ZCCHC17: variants seen among roughly 807,000 people sequenced by gnomAD.
ZCCHC17 encodes the protein zinc finger CCHC-type containing 17.
Under a neutral mutation model 30.6 loss-of-function variants are expected in ZCCHC17, and 18 were observed. The observed-to-expected ratio is 0.59, with a 90% CI of 0.41 to 0.87. The LOEUF (loss-of-function observed/expected upper bound fraction) is 0.87, where lower values mean the gene tolerates loss of function less well. ZCCHC17 is among the 40% of genes least tolerant of loss of function. The pLI, the probability that ZCCHC17 is intolerant of heterozygous loss-of-function variation, is 0.00. For synonymous variants in ZCCHC17, 88 were observed against 92.4 expected (o/e 0.95, Z 0.27); for missense variants, 263 against 284.2 (o/e 0.93, Z 0.54).
chr1:31,344,027 G>A (rs1557451023), intron 5 of ZCCHC17, among the ~76,000 whole-genome samples: 2 of 151,542 alleles, frequency 1.3e-5, no homozygotes, highest in Non-Finnish European at 2.9e-5. Flanking sequence ...GCTAATTTTT[G>A]TTTTTTTAGT....
At chr1:31,305,206 T>C (rs1208402076) in intron 1 of ZCCHC17, among the ~76,000 whole-genome samples, 1 of 152,198 alleles carries the variant, frequency 6.6e-6, no homozygotes, top group Non-Finnish European at 1.5e-5. Flanking sequence ...TCACCTCTGG[T>C]TGGTTGACTT....
chr1:31,353,269 TATCA>T lies in ZCCHC17; in HGVS notation c.564+4299_564+4302del, dbSNP rs1424285801. Among the ~76,000 whole-genome samples the T allele has an allele frequency of 3.3e-5, 5 of 152,378 alleles. No individual in the cohort carries two copies. The South Asian group carries it at 8.3e-4, about 25-fold the overall frequency. ...GTAGGAATTTTTTATATGTTCTGGA[TATCA>T]ATCCCATCAGATATATGGTTTGCAA... On this transcript the variant is annotated intron_variant, in intron 7 of 7. Transcript: ENST00000344147.
At chr1:31,309,326 GT>G (rs1646541579) in intron 1 of ZCCHC17, among the ~76,000 whole-genome samples, 1 of 151,970 alleles carries the variant, frequency 6.6e-6, no homozygotes, top group African/African-American at 2.4e-5. Flanking sequence ...GAATTGTTTT[GT>G]TTTGTTTTTG....
intron 3 of ZCCHC17, among the ~76,000 whole-genome samples, chr1:31,323,573 G>A (rs907873600): frequency 1.3e-5 from 2 of 151,862 alleles, no homozygotes; most frequent in East Asian, 1.9e-4. Context: ...TGCCTGCCTC[G>A]GCCTCCCAAA....
At chr1:31,323,925 A>C (rs1315846177) in intron 3 of ZCCHC17, among the ~76,000 whole-genome samples, 1 of 152,214 alleles carries the variant, frequency 6.6e-6, no homozygotes, top group Non-Finnish European at 1.5e-5. Flanking sequence ...GTAGAGAATT[A>C]CATAAATTAT....
At chr1:31,334,359 G>C (rs1217866940) in intron 3 of ZCCHC17, among the ~76,000 whole-genome samples, 672 of 146,252 alleles carry the variant, frequency 4.6e-3, no homozygotes, top group South Asian at 0.02. Flanking sequence ...GTGTGTGTGT[G>C]TGTGTGTGTG....
At chr1:31,313,386 T>TA in intron 2 of ZCCHC17, among the ~76,000 whole-genome samples, 1 of 152,310 alleles carries the variant, frequency 6.6e-6, no homozygotes, top group Middle Eastern at 3.4e-3. Context: ...CCTATAGTAT[T>TA]TTAATGGTAT....
intron 2 of ZCCHC17, among the ~76,000 whole-genome samples, chr1:31,314,020 C>G (rs750524619): frequency 6.6e-6 from 1 of 152,102 alleles, no homozygotes; most frequent in Non-Finnish European, 1.5e-5. Flanking sequence ...TCAGCCACCA[C>G]GCCCGGCTAA....
chr1:31,307,211 G>C (rs1646483786), intron 1 of ZCCHC17, among the ~76,000 whole-genome samples: 1 of 151,194 alleles, frequency 6.6e-6, no homozygotes, highest in Non-Finnish European at 1.5e-5. Context: ...GGCCTCAAGT[G>C]ATCCTCCCGC....
chr1:31,359,677 C>T (rs1218652553), intron 7 of ZCCHC17, among the ~76,000 whole-genome samples: 1 of 152,152 alleles, frequency 6.6e-6, no homozygotes, highest in African/African-American at 2.4e-5. Context: ...AATGGGTAGA[C>T]TAGCTGCTCT....
At chr1:31,303,304 G>A (rs1646365065) in intron 1 of ZCCHC17, among the ~76,000 whole-genome samples, 1 of 152,082 alleles carries the variant, frequency 6.6e-6, no homozygotes, top group South Asian at 2.1e-4. Context: ...AAAGCAAACA[G>A]TGCAGGCTCT....
intron 5 of ZCCHC17, among the ~76,000 whole-genome samples, chr1:31,340,509 GT>G (rs1323185633): frequency 2.0e-5 from 3 of 152,178 alleles, no homozygotes; most frequent in East Asian, 3.9e-4. Flanking sequence ...TAGAGATGGG[GT>G]TTCTCTATGT....
intron 2 of ZCCHC17, among the ~76,000 whole-genome samples, chr1:31,310,843 A>G (rs961747297): frequency 6.6e-6 from 1 of 152,140 alleles, no homozygotes; most frequent in Non-Finnish European, 1.5e-5. Context: ...CCCAGACTAC[A>G]CATCTGGCCA....
At chr1:31,309,773 G>A (rs570738455) in intron 1 of ZCCHC17, among the ~76,000 whole-genome samples, 71 of 150,940 alleles carry the variant, frequency 4.7e-4, no homozygotes, top group Non-Finnish European at 7.1e-4. Flanking sequence ...ATTCTTCCCC[G>A]GCAAAAAAAA....
Position 31,310,144 on chromosome 1 carries a change from T to C in ZCCHC17, c.46T>C (p.Tyr16His), listed in dbSNP as rs138079086. ...PETMENLPAL[Y>H]TIFQGEVAMV... is the part of the protein sequence containing the mutation. ...GACCATGGAAAACTTGCCTGCTCTC[T>C]ACACTATTTTCCAAGGAGAGGTATA... Residue 16 changes from tyrosine (Y) to histidine (H), a missense_variant, in exon 2 of 8, where the codon TAC becomes CAC. Transcript: ENST00000344147. 3.5e-5 allele frequency: 57 copies of C among 1,614,038 alleles called. No homozygotes were observed. Among genetic ancestry groups the C allele is most frequent in the Non-Finnish European group, 4.6e-5 (54 of 1,180,018 alleles).
chr1:31,306,485 C>T (rs1646460925), intron 1 of ZCCHC17, among the ~76,000 whole-genome samples: 1 of 152,128 alleles, frequency 6.6e-6, no homozygotes, highest in Non-Finnish European at 1.5e-5. Flanking sequence ...TGGGATGGCA[C>T]AAGATTTCAT....
At chr1:31,327,716 C>T (rs1046183497) in intron 3 of ZCCHC17, among the ~76,000 whole-genome samples, 5 of 152,088 alleles carry the variant, frequency 3.3e-5, no homozygotes, top group Non-Finnish European at 5.9e-5. Flanking sequence ...ACTTAATGGC[C>T]CCAAAGTGTA....
At chr1:31,363,890 T>C (rs1456836635) in intron 7 of ZCCHC17, 142 bp from the exon 8 acceptor site, 1 of 1,347,752 alleles carries the variant, frequency 7.4e-7, no homozygotes, top group Non-Finnish European at 9.9e-7. Context: ...CTTGAACTCC[T>C]GGCCTCAAGC....
At chr1:31,335,458 CT>C in intron 3 of ZCCHC17, among the ~76,000 whole-genome samples, 1 of 152,158 alleles carries the variant, frequency 6.6e-6, no homozygotes, top group Non-Finnish European at 1.5e-5. Context: ...TTACTGTAGC[CT>C]TGACTTCCTG....
Sources: gnomAD v4.1 joint callset for allele counts (sites outside exome capture counted in the v4.1 genomes callset) on GRCh38, gnomAD v4.1.1 for gene constraint, MANE v1.5 for transcripts, NCBI Gene and HGNC (gene_info 2026-07-23, HGNC 2026-07-21) for gene names.